The following MYT1L variants were observed in gnomAD, a reference collection of about 807,000 sequenced individuals.
MYT1L encodes myelin transcription factor 1-like protein.
Under a neutral mutation model 126.7 loss-of-function variants are expected in MYT1L, and 12 were observed. The observed-to-expected ratio is 0.09, with a 90% CI of 0.06 to 0.15. The LOEUF (loss-of-function observed/expected upper bound fraction) is 0.15. MYT1L is among the 10% of genes least tolerant of loss of function. The pLI is 1.00. For synonymous variants in MYT1L, 541 were observed against 604.2 expected, an observed-to-expected ratio of 0.90 and a Z score of 1.53; for missense variants, 979 against 1,585.2, an observed-to-expected ratio of 0.62 and a Z score of 6.49.
chr2:1,829,488 C>T (rs112284573), intron 21 of MYT1L, among the ~76,000 whole-genome samples: 3 of 34,376 alleles, frequency 8.7e-5, no homozygotes, highest in Non-Finnish European at 1.0e-4. Context: ...CACCTGTGAA[C>T]TGACCCTCCC....
intron 3 of MYT1L, among the ~76,000 whole-genome samples, chr2:2,133,397 C>T (rs186384007): frequency 5.4e-4 from 82 of 152,260 alleles, no homozygotes; most frequent in African/African-American, 1.9e-3. Context: ...ATCAAAGTCA[C>T]TCCCCCTCAT....
intron 4 of MYT1L, among the ~76,000 whole-genome samples, chr2:2,015,122 A>G (rs539912061): frequency 6.6e-6 from 1 of 152,262 alleles, no homozygotes; most frequent in East Asian, 1.9e-4. Flanking sequence ...GGGATGAATC[A>G]TAAGCTCGAC....
At chr2:1,956,040 T>A (rs938628083) in intron 8 of MYT1L, among the ~76,000 whole-genome samples, 20 of 145,404 alleles carry the variant, frequency 1.4e-4, no homozygotes, top group African/African-American at 5.4e-4. Context: ...CCTAGTTCTA[T>A]GTATCTATGT....
At chr2:1,818,320 A>G (rs1184715414) in intron 21 of MYT1L, among the ~76,000 whole-genome samples, 1 of 152,218 alleles carries the variant, frequency 6.6e-6, no homozygotes, top group Non-Finnish European at 1.5e-5. Flanking sequence ...GAGCCCAGCC[A>G]GGTGCTGTCT....
intron 9 of MYT1L, among the ~76,000 whole-genome samples, chr2:1,934,635 C>T (rs1573726412): frequency 1.3e-5 from 2 of 152,036 alleles, no homozygotes; most frequent in East Asian, 3.9e-4. Context: ...CAGACTGAAA[C>T]ATTCGAACGA....
At chr2:2,085,377 T>C (rs2076255015) in intron 3 of MYT1L, among the ~76,000 whole-genome samples, 1 of 152,112 alleles carries the variant, frequency 6.6e-6, no homozygotes, top group Non-Finnish European at 1.5e-5. Flanking sequence ...ACAGGCACGT[T>C]CCTGGGAATT....
chr2:2,020,579 C>A (rs2064927181), intron 4 of MYT1L, among the ~76,000 whole-genome samples: 1 of 152,198 alleles, frequency 6.6e-6, no homozygotes, highest in South Asian at 2.1e-4. Flanking sequence ...CTATTTCCTT[C>A]ATCTTTATTA....
intron 8 of MYT1L, among the ~76,000 whole-genome samples, chr2:1,956,437 T>TCTATCTATCTAC (rs1369094397): frequency 2.9e-5 from 2 of 68,630 alleles, no homozygotes; most frequent in Admixed American, 2.3e-4. Flanking sequence ...TATCTATCTA[T>TCTATCTATCTAC]CTACCTATCA....
chr2:2,106,912 G>A (rs769635436), intron 3 of MYT1L, among the ~76,000 whole-genome samples: 2 of 152,128 alleles, frequency 1.3e-5, no homozygotes, highest in Non-Finnish European at 2.9e-5. Context: ...CAGCTTCCAC[G>A]GCCAGACTAG....
intron 9 of MYT1L, among the ~76,000 whole-genome samples, chr2:1,930,948 C>T (rs1468480904): frequency 6.6e-6 from 1 of 152,196 alleles, no homozygotes; most frequent in Non-Finnish European, 1.5e-5. Context: ...ACCATCTTCC[C>T]GCACTGCATA....
At chr2:2,215,849 T>G (rs1321418908) in intron 2 of MYT1L, among the ~76,000 whole-genome samples, 1 of 152,086 alleles carries the variant, frequency 6.6e-6, no homozygotes, top group South Asian at 2.1e-4. Context: ...CCAAATCTCA[T>G]GTTGAATTGC....
intron 18 of MYT1L, among the ~76,000 whole-genome samples, chr2:1,859,233 T>C: frequency 6.6e-6 from 1 of 152,142 alleles, no homozygotes; most frequent in African/African-American, 2.4e-5. Flanking sequence ...TGCCTATATT[T>C]GTGGCATTTA....
In MYT1L at chr2:2,141,351, A is replaced by C. The variant is rs190554205; in HGVS notation, c.-304+31521T>G. 3.5e-3 allele frequency among the ~76,000 whole-genome samples: 532 copies of C among 152,318 alleles called. 3 individuals are homozygous for C. The highest frequency in any genetic ancestry group is 5.3e-3 in the Non-Finnish European group (358 of 68,028). ...TTATATTACCATTTCAAGGCTGCTTAGGAGTTCCCGTGGCTGTAACACATT... is the reference window on the plus strand; with the variant it reads ...TTATATTACCATTTCAAGGCTGCTTCGGAGTTCCCGTGGCTGTAACACATT... On this transcript the variant is annotated intron_variant, in intron 3 of 24. Transcript: ENST00000647738.
At chr2:2,003,074 A>G (rs2062564682) in intron 4 of MYT1L, among the ~76,000 whole-genome samples, 1 of 152,106 alleles carries the variant, frequency 6.6e-6, no homozygotes, top group South Asian at 2.1e-4. Context: ...GCTGAGAACC[A>G]ATCTATGCCT....
At position 1,790,320 on chromosome 2, in the gene MYT1L, T is replaced by A. The variant is rs2031842636; in HGVS notation, c.*1547A>T. 1 of 152,128 alleles carries A rather than the reference T, an allele frequency of 6.6e-6. No homozygotes were observed. The highest frequency in any genetic ancestry group is 2.1e-4 in the South Asian group (1 of 4,828). The allele number at this position is 152,128 out of a possible 1,614,324, so 9.4% of individuals were successfully genotyped here. A position where few individuals can be genotyped will look rare whatever the true frequency, so the allele number is the denominator to read the frequency against. ...AACATCAAGACATGGAAGGAAGAGA[T>A]GCTACTAAATGGAACTCAAGTCAAC... On this transcript the variant is annotated 3_prime_UTR_variant, in exon 25 of 25. Transcript: ENST00000647738.
At chr2:2,019,763 T>C (rs1009998339) in intron 4 of MYT1L, among the ~76,000 whole-genome samples, 1 of 152,222 alleles carries the variant, frequency 6.6e-6, no homozygotes, top group African/African-American at 2.4e-5. Flanking sequence ...CTAGAATTAC[T>C]TCATTTTTTA....
chr2:2,087,272 A>G (rs868283807), intron 3 of MYT1L, among the ~76,000 whole-genome samples: 64 of 152,278 alleles, frequency 4.2e-4, no homozygotes, highest in African/African-American at 1.5e-3. Flanking sequence ...TAAAAAAAGG[A>G]TAGGTTTGCA....
At chr2:1,846,619 G>A (rs2042530788) in intron 19 of MYT1L, among the ~76,000 whole-genome samples, 1 of 152,138 alleles carries the variant, frequency 6.6e-6, no homozygotes, top group South Asian at 2.1e-4. Flanking sequence ...GAGACATGTG[G>A]TCAAGGGCAG....
In MYT1L at chr2:2,172,386, A is replaced by C. The variant is rs139881712; in HGVS notation, c.-304+486T>G. 1.3e-3 allele frequency among the ~76,000 whole-genome samples: 198 copies of C among 152,344 alleles called. 2 individuals carry two copies. Among genetic ancestry groups the C allele is most frequent in the African/African-American group, 4.5e-3 (186 of 41,588 alleles). ...CCTCTCAGCACCCACAAGGAGGCTC[A>C]CATCATTCCTGCCCTATAGAACTTC... On this transcript the variant is annotated intron_variant, in intron 3 of 24. Coordinates refer to ENST00000647738, the MANE Select transcript of MYT1L (RefSeq NM_001303052.2).
Sources: allele counts gnomAD v4.1 joint callset (sites outside exome capture counted in the v4.1 genomes callset), GRCh38; gene constraint gnomAD v4.1.1; transcripts MANE v1.5; gene names NCBI Gene and HGNC (gene_info 2026-07-23, HGNC 2026-07-21).